Variants in DNAH14 observed in about 807,000 individuals in gnomAD.
DNAH14 encodes dynein axonemal heavy chain 14.
Under a neutral mutation model 520.9 loss-of-function variants are expected in DNAH14, and 478 were observed. That is an observed-to-expected ratio of 0.92 (90% CI 0.85 to 0.99). DNAH14 has a LOEUF of 0.99. Ranked by LOEUF, DNAH14 falls within the 50% of genes least tolerant of loss-of-function variation. DNAH14 has a pLI of 0.00. For synonymous variants in DNAH14, 1,581 were observed against 1,757.2 expected, an observed-to-expected ratio of 0.90 and a Z score of 2.51; for missense variants, 4,831 against 5,234.5, an observed-to-expected ratio of 0.92 and a Z score of 2.38.
At chr1:225,182,920 C>G (rs2084217863) in intron 36 of DNAH14, among the ~76,000 whole-genome samples, 1 of 152,210 alleles carries the variant, frequency 6.6e-6, no homozygotes, top group Non-Finnish European at 1.5e-5. Context: ...CATAGTACAA[C>G]AGTCCTTGGG....
In DNAH14 at chr1:225,395,365, G is replaced by A. The variant is rs543568089; in HGVS notation, c.13491+2914G>A. ...TCCCAGCACTTTGTGAGGCTGAGGC[G>A]GGCAGATCACGAGGTCAGGAGATCG... On this transcript the variant is annotated intron_variant, in intron 84 of 85. Transcript: ENST00000682510. 6.0e-4 allele frequency among the ~76,000 whole-genome samples: 92 copies of A among 152,214 alleles called. 1 individual carries two copies. The South Asian group carries it at 0.018, about 30-fold the overall frequency.
At chr1:225,387,077 G>T (rs1272811867) in intron 81 of DNAH14, among the ~76,000 whole-genome samples, 1 of 152,152 alleles carries the variant, frequency 6.6e-6, no homozygotes, top group Non-Finnish European at 1.5e-5. Flanking sequence ...ATGAGTTCAT[G>T]TCCTTTGTAG....
At chr1:224,949,704 A>T (rs1479475201) in intron 1 of DNAH14, among the ~76,000 whole-genome samples, 1 of 152,172 alleles carries the variant, frequency 6.6e-6, no homozygotes, top group Non-Finnish European at 1.5e-5. Context: ...GTATAAACAC[A>T]TAATTTGTTT....
chr1:225,353,363 T>C (rs1200498023), intron 72 of DNAH14, among the ~76,000 whole-genome samples: 2 of 152,154 alleles, frequency 1.3e-5, no homozygotes, highest in African/African-American at 4.8e-5. Flanking sequence ...TCTGGTTGCA[T>C]TTTCATTTGA....
At chr1:225,039,675 AT>A (rs2067272076) in intron 12 of DNAH14, among the ~76,000 whole-genome samples, 1 of 151,130 alleles carries the variant, frequency 6.6e-6, no homozygotes, top group South Asian at 2.1e-4. Flanking sequence ...TTAAGTGCTT[AT>A]CCTATTTGGT....
At chr1:225,113,652 CT>C (rs2076649920) in intron 23 of DNAH14, among the ~76,000 whole-genome samples, 2 of 152,140 alleles carry the variant, frequency 1.3e-5, no homozygotes, top group Admixed American at 1.3e-4. Context: ...TAGAAATATA[CT>C]TCTTTATTCT....
chr1:225,089,924 A>G (rs1416551215), intron 21 of DNAH14, among the ~76,000 whole-genome samples: 3 of 152,166 alleles, frequency 2.0e-5, no homozygotes, highest in Admixed American at 6.5e-5. Context: ...TCCCTTACCA[A>G]TTCTATTCTA....
chr1:225,078,154 A>T lies in DNAH14; in HGVS notation c.2425-1053A>T, dbSNP rs1018785126. On this transcript the variant is annotated intron_variant, in intron 17 of 85. Transcript: ENST00000682510. ...ACAAGTATGGTTATAAATATAATAGATATAAGTATGGTGGAAAATAATGGG... is the reference window on the plus strand; with the variant it reads ...ACAAGTATGGTTATAAATATAATAGTTATAAGTATGGTGGAAAATAATGGG... Among the ~76,000 whole-genome samples the T allele has an allele frequency of 4.6e-5, 7 of 152,320 alleles. No individual in the cohort carries two copies. The East Asian group carries it at 1.4e-3, about 29-fold the overall frequency.
At chr1:225,104,358 T>C (rs1490041338) in intron 23 of DNAH14, among the ~76,000 whole-genome samples, 6 of 152,204 alleles carry the variant, frequency 3.9e-5, no homozygotes, top group African/African-American at 1.4e-4. Flanking sequence ...TTTTTTGTTG[T>C]GTCTCTGTCA....
At chr1:225,271,310 G>A (rs866753532) in intron 50 of DNAH14, among the ~76,000 whole-genome samples, 2 of 151,936 alleles carry the variant, frequency 1.3e-5, no homozygotes, top group African/African-American at 4.8e-5. Context: ...TTTCAGGTGC[G>A]AACTATTTAC....
intron 77 of DNAH14, among the ~76,000 whole-genome samples, chr1:225,368,663 C>A (rs1012078575): frequency 5.3e-5 from 8 of 152,096 alleles, no homozygotes; most frequent in African/African-American, 1.9e-4. Context: ...CAACATTACA[C>A]CCTTGATTAC....
Position 225,240,600 on chromosome 1 carries a change from A to T in DNAH14, c.6526A>T (p.Asn2176Tyr). The T allele has an allele frequency of 6.5e-7, 1 of 1,545,296 alleles. No homozygotes were observed. The highest frequency in any genetic ancestry group is 8.8e-7 in the Non-Finnish European group (1 of 1,141,864). ...TFKDIEKRDE[N>Y]TWYPEKNPDK... ...CATACCTGTCTACCCCAGGGATGAA[A>T]ATACATGGTATCCAGAGAAAAATCC... is the stretch of plus-strand genomic sequence containing the variant. The change falls in exon 43 of 86, where the codon AAT (asparagine) becomes TAT (tyrosine). Residue 2176 changes from asparagine to tyrosine, a missense_variant. Physicochemically the swap from Asn to Tyr is moderately radical, Grantham distance 143. Coordinates refer to ENST00000682510, the MANE Select transcript of DNAH14 (RefSeq NM_001367479.1).
rs151075300 is a variant in DNAH14 at position 225,067,689 on chromosome 1, G to A, written c.2425-11518G>A. Among the ~76,000 whole-genome samples the A allele has an allele frequency of 6.4e-3, 977 of 152,114 alleles. 6 individuals carry two copies. Among genetic ancestry groups the A allele is most frequent in the Non-Finnish European group, 9.8e-3 (666 of 68,006 alleles). On this transcript the variant is annotated intron_variant, in intron 17 of 85. Coordinates refer to ENST00000682510, the MANE Select transcript of DNAH14 (RefSeq NM_001367479.1). Reference sequence around the variant, plus strand: ...TGGTGTTAGATGGTAGCTCATTGTGGTTTTGATTTGCATTTCTCTAATGAT... The same window carrying A: ...TGGTGTTAGATGGTAGCTCATTGTGATTTTGATTTGCATTTCTCTAATGAT...
In DNAH14 at chr1:225,335,677, GTATA is replaced by G. The variant is rs1163207939; in HGVS notation, c.10081-1586_10081-1583del. Among the ~76,000 whole-genome samples, 145 of 94,732 alleles carry G rather than the reference GTATA, an allele frequency of 1.5e-3. 17 individuals carry two copies. The highest frequency in any genetic ancestry group is 2.2e-3 in the Non-Finnish European group (99 of 45,962). The allele number at this position is 94,732 out of a possible 152,430, so 62.1% of individuals were successfully genotyped here. The stretch of plus-strand genomic sequence containing the variant: ...CGCATATATACATATGTGCATATAT[GTATA>G]TACGCATATATACATATGTGCATAT... On this transcript the variant is annotated intron_variant, in intron 66 of 85. Coordinates refer to ENST00000682510, the MANE Select transcript of DNAH14 (RefSeq NM_001367479.1).
At chr1:225,051,403 C>G (rs1449910869) in intron 16 of DNAH14, 48 bp from the exon 17 acceptor site, 2 of 1,318,122 alleles carry the variant, frequency 1.5e-6, no homozygotes, top group Non-Finnish European at 2.0e-6. Flanking sequence ...CCATTTTTCA[C>G]TCTTAAAATA....
At chr1:225,001,985 T>G (rs1291268700) in intron 8 of DNAH14, among the ~76,000 whole-genome samples, 1 of 152,120 alleles carries the variant, frequency 6.6e-6, no homozygotes. Flanking sequence ...AAGCTTAAAC[T>G]TCACTAGCTT....
chr1:225,035,052 G>GTT (rs34478787), intron 11 of DNAH14, among the ~76,000 whole-genome samples: 1,929 of 151,578 alleles, frequency 0.013, 12 homozygotes, highest in African/African-American at 0.019. Context: ...TCTTTAAAAT[G>GTT]TTTTTTTTGT....
In DNAH14 at chr1:225,167,251, G is replaced by A. The variant is rs192680424; in HGVS notation, c.5446-688G>A. Among the ~76,000 whole-genome samples, 180 of 152,288 alleles carry A rather than the reference G, an allele frequency of 1.2e-3. 2 individuals carry two copies. The highest frequency in any genetic ancestry group is 6.8e-3 in the Middle Eastern group (2 of 294). On this transcript the variant is annotated intron_variant, in intron 35 of 85. Coordinates refer to ENST00000682510, the MANE Select transcript of DNAH14 (RefSeq NM_001367479.1). ...CTGCTTTGTTCTGTCTCAATGTAGGGATGCAAGGAATGAAAAATGGAATGG... is the reference window on the plus strand; with the variant it reads ...CTGCTTTGTTCTGTCTCAATGTAGGAATGCAAGGAATGAAAAATGGAATGG...
chr1:224,967,662 T>C (rs764616265), intron 6 of DNAH14, 79 bp downstream of exon 6: 16 of 1,598,662 alleles, frequency 1.0e-5, no homozygotes, highest in Admixed American at 1.8e-5. Context: ...ATTGCATACA[T>C]TTATCTTTGT....
Sources: allele counts gnomAD v4.1 joint callset (sites outside exome capture counted in the v4.1 genomes callset), GRCh38; gene constraint gnomAD v4.1.1; transcripts MANE v1.5; gene names NCBI Gene and HGNC (gene_info 2026-07-23, HGNC 2026-07-21).